The following PRKCA variants were observed in gnomAD, a reference collection of about 807,000 sequenced individuals.
PRKCA encodes the protein protein kinase C alpha.
PRKCA carries 27 observed loss-of-function variants against 87.0 expected under a neutral mutation model. The ratio of observed to expected loss-of-function variants is 0.31; its 90% CI spans 0.23 to 0.43. The LOEUF is 0.43. Ranked by LOEUF, PRKCA falls within the 20% of genes least tolerant of loss-of-function variation. The probability of loss-of-function intolerance (pLI) is 1.00; values close to 1 mark genes in which losing one functional copy is unlikely to be tolerated. For synonymous variants in PRKCA, 329 were observed against 311.1 expected, an observed-to-expected ratio of 1.06 and a Z score of -0.61; for missense variants, 518 against 852.3, an observed-to-expected ratio of 0.61 and a Z score of 4.88.
chr17:66,715,491 C>G (rs1973450828), intron 8 of PRKCA, among the ~76,000 whole-genome samples: 1 of 152,190 alleles, frequency 6.6e-6, no homozygotes, highest in South Asian at 2.1e-4. Context: ...CCCTTCCCCC[C>G]AGGCCCTTTC....
intron 3 of PRKCA, among the ~76,000 whole-genome samples, chr17:66,627,843 T>G (rs1970900701): frequency 6.6e-6 from 1 of 152,206 alleles, no homozygotes; most frequent in Non-Finnish European, 1.5e-5. Context: ...AGTTTCCCAA[T>G]TCCTGGTTTT....
At chr17:66,569,889 C>T (rs1293029455) in intron 3 of PRKCA, among the ~76,000 whole-genome samples, 1 of 152,226 alleles carries the variant, frequency 6.6e-6, no homozygotes, top group Non-Finnish European at 1.5e-5. Context: ...GACAGCAATT[C>T]TTCTCGTAGG....
rs569373521 is a variant in PRKCA at position 66,473,490 on chromosome 17, A to G, written c.206-22711A>G. ...AGGAAGAGGGTGTCTTGCAGCCTAGACCCTCAGTTACCAGAGTCCCTCAGA... is the reference window on the plus strand; with the variant it reads ...AGGAAGAGGGTGTCTTGCAGCCTAGGCCCTCAGTTACCAGAGTCCCTCAGA... On this transcript the variant is annotated intron_variant, in intron 2 of 16. Transcript: ENST00000413366. Among the ~76,000 whole-genome samples the G allele has an allele frequency of 5.3e-5, 8 of 152,158 alleles. No individual in the cohort carries two copies. In the South Asian group the frequency reaches 1.7e-3, roughly 32 times the overall value.
chr17:66,634,906 T>G (rs1239581085), intron 3 of PRKCA, among the ~76,000 whole-genome samples: 1 of 151,896 alleles, frequency 6.6e-6, no homozygotes, highest in African/African-American at 2.4e-5. Flanking sequence ...TGATGAAAAA[T>G]TAAAGGGGAG....
intron 3 of PRKCA, among the ~76,000 whole-genome samples, chr17:66,496,897 C>T (rs1160959103): frequency 6.6e-6 from 1 of 151,830 alleles, no homozygotes; most frequent in East Asian, 2.0e-4. Flanking sequence ...CTCGTCTTGG[C>T]CTCCCAAAGT....
At chr17:66,336,441 TTCC>T (rs1906665613) in intron 2 of PRKCA, among the ~76,000 whole-genome samples, 1 of 152,206 alleles carries the variant, frequency 6.6e-6, no homozygotes, top group Non-Finnish European at 1.5e-5. Flanking sequence ...AGGATTCTCC[TTCC>T]AGGGGATGAA....
At chr17:66,612,032 G>A (rs1397549489) in intron 3 of PRKCA, among the ~76,000 whole-genome samples, 1 of 151,298 alleles carries the variant, frequency 6.6e-6, no homozygotes, top group Non-Finnish European at 1.5e-5. Flanking sequence ...TACCATTGAT[G>A]GGAAAAACAC....
chr17:66,424,084 C>T (rs555555058), intron 2 of PRKCA, among the ~76,000 whole-genome samples: 16 of 152,254 alleles, frequency 1.1e-4, no homozygotes, highest in African/African-American at 3.4e-4. Context: ...ACCATTCTTT[C>T]CCATTGTATT....
chr17:66,340,604 C>T (rs903783019), intron 2 of PRKCA, among the ~76,000 whole-genome samples: 19 of 151,858 alleles, frequency 1.3e-4, no homozygotes, highest in Admixed American at 5.3e-4. Flanking sequence ...AGAGCATAAA[C>T]CACATTCAAA....
intron 3 of PRKCA, among the ~76,000 whole-genome samples, chr17:66,549,847 T>A (rs1298441468): frequency 6.6e-6 from 1 of 152,202 alleles, no homozygotes; most frequent in East Asian, 1.9e-4. Context: ...TTAATTGTGA[T>A]GGCACAGAAT....
intron 3 of PRKCA, among the ~76,000 whole-genome samples, chr17:66,534,488 A>C (rs889525762): frequency 6.6e-6 from 1 of 152,118 alleles, no homozygotes; most frequent in African/African-American, 2.4e-5. Flanking sequence ...TAACATGGTG[A>C]AACCCCATCT....
intron 2 of PRKCA, among the ~76,000 whole-genome samples, chr17:66,469,161 C>T (rs989136678): frequency 6.6e-6 from 1 of 152,172 alleles, no homozygotes; most frequent in Admixed American, 6.5e-5. Flanking sequence ...ATCTCGAGAA[C>T]ACTGGGGCAC....
At chr17:66,484,682 GA>G (rs555356612) in intron 2 of PRKCA, among the ~76,000 whole-genome samples, 130 of 152,214 alleles carry the variant, frequency 8.5e-4, no homozygotes, top group Middle Eastern at 3.4e-3. Context: ...CATATATCTG[GA>G]AAAGCAGAGA....
At chr17:66,485,242 A>G (rs1408542161) in intron 2 of PRKCA, among the ~76,000 whole-genome samples, 1 of 152,240 alleles carries the variant, frequency 6.6e-6, no homozygotes, top group Non-Finnish European at 1.5e-5. Flanking sequence ...AAAACCTTGC[A>G]TAGAAAGATA....
intron 2 of PRKCA, among the ~76,000 whole-genome samples, chr17:66,417,482 A>T (rs570750670): frequency 6.6e-6 from 1 of 152,036 alleles, no homozygotes; most frequent in African/African-American, 2.4e-5. Flanking sequence ...GGCTGCAAGG[A>T]TGGCTTCAGG....
chr17:66,628,770 C>G (rs8082274), intron 3 of PRKCA, among the ~76,000 whole-genome samples: 112,899 of 152,218 alleles, frequency 0.74, 42,879 homozygotes, highest in African/African-American at 0.92. Context: ...GCTCACACCT[C>G]TAATCCCAGC....
At chr17:66,802,655 G>A (rs1429532289) in intron 16 of PRKCA, among the ~76,000 whole-genome samples, 1 of 152,164 alleles carries the variant, frequency 6.6e-6, no homozygotes, top group East Asian at 1.9e-4. Flanking sequence ...CTGGCCTCTC[G>A]CCTCGGCTGG....
chr17:66,646,913 T>G (rs1971472535), intron 5 of PRKCA, among the ~76,000 whole-genome samples: 1 of 152,216 alleles, frequency 6.6e-6, no homozygotes, highest in African/African-American at 2.4e-5. Context: ...GAATCCCTTC[T>G]GACTTTTTGT....
At chr17:66,516,587 C>G (rs1966977844) in intron 3 of PRKCA, among the ~76,000 whole-genome samples, 1 of 151,390 alleles carries the variant, frequency 6.6e-6, no homozygotes, top group African/African-American at 2.4e-5. Context: ...GAGCTGAGAT[C>G]ATACCACTGC....
Sources: allele counts gnomAD v4.1 joint callset (sites outside exome capture counted in the v4.1 genomes callset), GRCh38; gene constraint gnomAD v4.1.1; transcripts MANE v1.5; gene names NCBI Gene and HGNC (gene_info 2026-07-23, HGNC 2026-07-21).